RHBDD3: variants seen among roughly 807,000 people sequenced by gnomAD.
The protein encoded by RHBDD3 is rhomboid domain containing 3.
A neutral mutation model predicts 32.3 loss-of-function variants in RHBDD3; 34 were observed. The ratio of observed to expected loss-of-function variants is 1.05; its 90% CI spans 0.80 to 1.40. RHBDD3 has a LOEUF of 1.40. Ranked by LOEUF, RHBDD3 falls within the 40% of genes most tolerant of loss-of-function variation. RHBDD3 has a pLI of 0.00. For missense variants in RHBDD3, 482 were observed against 492.6 expected (o/e 0.98, Z 0.20); for synonymous variants, 249 against 239.1 (o/e 1.04, Z -0.38).
intron 4 of RHBDD3, among the ~76,000 whole-genome samples, chr22:29,262,630 A>G (rs1302387029): frequency 6.6e-6 from 1 of 152,256 alleles, no homozygotes; most frequent in African/African-American, 2.4e-5. Flanking sequence ...CTATAAATCA[A>G]CTGAGTAGCA....
chr22:29,261,528 A>T (rs1423072230), intron 4 of RHBDD3: 2 of 352,624 alleles, frequency 5.7e-6, no homozygotes, highest in African/African-American at 4.3e-5. Context: ...CAGGAGTTTG[A>T]GGCTGTAGTG....
chr22:29,260,943 C>T (rs773282044), intron 4 of RHBDD3, 79 bp from the exon 5 acceptor site: 8 of 1,374,814 alleles, frequency 5.8e-6, no homozygotes, highest in Non-Finnish European at 7.7e-6. Flanking sequence ...GGCCAGGCCC[C>T]ATGCCAAGTG....
In RHBDD3 at chr22:29,263,842, G is replaced by A; in HGVS notation, c.525C>T (p.Gly175=). 3 of 1,532,262 alleles carry A rather than the reference G, an allele frequency of 2.0e-6. No individual in the cohort carries two copies. Among genetic ancestry groups the A allele is most frequent in the Non-Finnish European group, 2.6e-6 (3 of 1,134,564 alleles). The allele number at this position is 1,532,262 out of a possible 1,614,324, so 94.9% of individuals were successfully genotyped here. Residue 175 remains glycine (G), a synonymous_variant, in exon 4 of 7, where the codon GGC becomes GGT. Transcript: ENST00000216085. ...GGCTCAGGCAAAGGATACAGGCCAGGCCGGCAAGGAGGCCGCAAAGGAGCT... is the reference window on the plus strand; with the variant it reads ...GGCTCAGGCAAAGGATACAGGCCAGACCGGCAAGGAGGCCGCAAAGGAGCT... ...FLQLLCGLLA[G]LAYAAGAFRW... is the part of the protein sequence containing the mutation.
rs367763058 is a variant in RHBDD3, at chr22:29,264,159, G to A, written c.208C>T (p.Leu70=). The A allele has an allele frequency of 4.5e-5, 72 of 1,586,528 alleles. No individual in the cohort carries two copies. The East Asian group carries it at 6.6e-4, about 14-fold the overall frequency. The change falls in exon 4 of 7, where the codon CTG becomes TTG. Residue 70 remains leucine, a synonymous_variant. Coordinates refer to ENST00000216085, the MANE Select transcript of RHBDD3 (RefSeq NM_012265.3). ...CAGCCCACAGTGGGCAGGAGCAGCA[G>A]GCTCAGGAGCAGGCCTGGCAGGGCC... ...HTALPGLLLS[L]LLLPTVGWQQ...
intron 2 of RHBDD3, among the ~76,000 whole-genome samples, chr22:29,266,797 C>G (rs2058201095): frequency 6.6e-6 from 1 of 152,246 alleles, no homozygotes. Flanking sequence ...GCTCCCCTGC[C>G]AAGCGCCTTC....
At chr22:29,266,262 C>T (rs1297119437) in intron 2 of RHBDD3, among the ~76,000 whole-genome samples, 3 of 152,230 alleles carry the variant, frequency 2.0e-5, no homozygotes. Flanking sequence ...CTGGCCCTGG[C>T]TCCCCTTTCC....
chr22:29,265,765 T>G (rs1339647568), intron 2 of RHBDD3, 97 bp from the exon 3 acceptor site: 1 of 1,260,422 alleles, frequency 7.9e-7, no homozygotes, highest in Non-Finnish European at 1.0e-6. Flanking sequence ...TTTACAGAGG[T>G]GGAAACAGGC....
intron 2 of RHBDD3, among the ~76,000 whole-genome samples, 167 bp from the exon 3 acceptor site, chr22:29,265,835 A>G (rs2058170507): frequency 1.3e-5 from 2 of 152,194 alleles, no homozygotes; most frequent in African/African-American, 2.4e-5. Flanking sequence ...CCATGCGCTC[A>G]TAAGCCATCT....
In RHBDD3 at chr22:29,264,177, G is replaced by A. The variant is rs769582765; in HGVS notation, c.190C>T (p.Pro64Ser). 47 of 1,575,732 alleles carry A rather than the reference G, an allele frequency of 3.0e-5. No homozygotes were observed. The South Asian group carries it at 4.2e-4, about 14-fold the overall frequency. Residue 64 changes from proline to serine, a missense_variant, in exon 4 of 7, where the codon CCA becomes TCA. By Grantham distance (74) the Pro-to-Ser change is moderately conservative. Transcript: ENST00000216085. ...AGCAGCAGGCTCAGGAGCAGGCCTG[G>A]CAGGGCCGTGTGGCCCAGGGCATGG... ...LTHALGHTAL[P>S]GLLLSLLLLP...
rs140704715 is a variant in RHBDD3, at chr22:29,263,949, G to T, written c.418C>A (p.Arg140Ser). The T allele has an allele frequency of 6.5e-7, 1 of 1,550,364 alleles. No individual in the cohort carries two copies. The highest frequency in any genetic ancestry group is 1.2e-5 in the South Asian group (1 of 84,062). ...GACAGCCACGGTGGCAGTGCCCCAC[G>T]GGGCCGTCTAGGGCGGTGTCCCTCC... is the stretch of plus-strand genomic sequence containing the variant. ...AGEGHRPRRP[R>S]GALPPWLSPW... The change falls in exon 4 of 7, where the codon CGT becomes AGT. Residue 140 changes from arginine (R) to serine (S), a missense_variant. By Grantham distance (110) the Arg-to-Ser change is moderately radical. Coordinates refer to ENST00000216085, the MANE Select transcript of RHBDD3 (RefSeq NM_012265.3).
At chr22:29,265,719 C>A in intron 2 of RHBDD3, 51 bp from the exon 3 acceptor site, 1 of 1,450,522 alleles carries the variant, frequency 6.9e-7, no homozygotes, top group Non-Finnish European at 9.1e-7. Flanking sequence ...TTTTATCTCA[C>A]CAATACCCTC....
At chr22:29,262,322 A>G (rs1179527780) in intron 4 of RHBDD3, among the ~76,000 whole-genome samples, 5 of 151,350 alleles carry the variant, frequency 3.3e-5, no homozygotes, top group Non-Finnish European at 7.4e-5. Context: ...TATTTTTAGT[A>G]GAGATGGGGT....
chr22:29,260,591 A>C lies in RHBDD3; in HGVS notation c.718T>G (p.Tyr240Asp), dbSNP rs1350556470. Reference protein sequence around the residue: ...GVRPPIPGPPYVASPDLWSHW... With the variant: ...GVRPPIPGPPDVASPDLWSHW... Reference sequence around the variant, plus strand: ...GACCAGAGGTCAGGGGAGGCCACATAAGGCGGTCCAGGGATGGGAGGCCTG... The same window carrying C: ...GACCAGAGGTCAGGGGAGGCCACATCAGGCGGTCCAGGGATGGGAGGCCTG... Residue 240 changes from tyrosine (Y) to aspartate (D), a missense_variant, in exon 6 of 7, where the codon TAT becomes GAT. Tyr to Asp is a radical substitution (Grantham distance 160). Coordinates refer to ENST00000216085, the MANE Select transcript of RHBDD3 (RefSeq NM_012265.3). The C allele has an allele frequency of 1.9e-6, 3 of 1,597,324 alleles. No homozygotes were observed. In the African/African-American group the frequency reaches 4.0e-5, roughly 21 times the overall value.
At position 29,260,808 on chromosome 22, in the gene RHBDD3, G is replaced by A. The variant is rs2058107036; in HGVS notation, c.589C>T (p.Gln197Ter). The A allele has an allele frequency of 1.2e-6, 2 of 1,606,740 alleles. No homozygotes were observed. The highest frequency in any genetic ancestry group is 3.4e-5 in the Admixed American group (2 of 59,260). Reference protein sequence around the residue: ...EPSERRLQVLQEGVLCRTLAG... With the variant: ...EPSERRLQVL ...AAGGTCCTGCACAAGACGCCCTCCT[G>A]CAGCACCTGCAGCCGTCGCTCTGAG... The change falls in exon 5 of 7, where the codon CAG (glutamine) becomes TAG (stop). Residue 197 changes from glutamine to a stop codon, truncating the protein, a stop_gained. Transcript: ENST00000216085. LOFTEE classifies it high-confidence loss of function.
At position 29,265,591 on chromosome 22, in the gene RHBDD3, T is replaced by C. The variant is rs749851852; in HGVS notation, c.36A>G (p.Pro12=). The C allele has an allele frequency of 1.5e-5, 24 of 1,591,700 alleles. 1 individual carries two copies. The South Asian group carries it at 2.6e-4, about 17-fold the overall frequency. The change falls in exon 3 of 7, where the codon CCA becomes CCG. Residue 12 remains proline, a synonymous_variant. Coordinates refer to ENST00000216085, the MANE Select transcript of RHBDD3 (RefSeq NM_012265.3). ...HARGPHGQLS[P]ALPLASSVLM... ...GGACTGAGGAGGCCAGAGGCAGTGC[T>C]GGGGACAGTTGGCCATGGGGGCCCC...
chr22:29,260,186 T>G lies in RHBDD3; in HGVS notation c.1035A>C (p.Ala345=). ...MGFPTEQAVV[A]LAATGRVEGA... is the part of the protein sequence containing the mutation. ...CCTCCACACGGCCTGTGGCTGCCAG[T>G]GCCACCACCGCCTGCTCCGTAGGGA... The change falls in exon 7 of 7, where the codon GCA becomes GCC. Residue 345 remains alanine (A), a synonymous_variant. Transcript: ENST00000216085. 1.9e-6 allele frequency: 3 copies of G among 1,592,152 alleles called. No individual in the cohort carries two copies. The highest frequency in any genetic ancestry group is 2.6e-6 in the Non-Finnish European group (3 of 1,169,646).
At position 29,264,180 on chromosome 22, in the gene RHBDD3, G is replaced by C; in HGVS notation, c.187C>G (p.Leu63Val). The C allele has an allele frequency of 6.4e-7, 1 of 1,573,268 alleles. No individual in the cohort carries two copies. Among genetic ancestry groups the C allele is most frequent in the South Asian group, 1.2e-5 (1 of 84,520 alleles). ...AGCAGGCTCAGGAGCAGGCCTGGCA[G>C]GGCCGTGTGGCCCAGGGCATGGGTC... is the stretch of plus-strand genomic sequence containing the variant. ...LLTHALGHTA[L>V]PGLLLSLLLL... Residue 63 changes from leucine to valine, a missense_variant, in exon 4 of 7, where the codon CTG (leucine) becomes GTG (valine). Physicochemically the swap from Leu to Val is conservative, Grantham distance 32. Coordinates refer to ENST00000216085, the MANE Select transcript of RHBDD3 (RefSeq NM_012265.3).
intron 4 of RHBDD3, among the ~76,000 whole-genome samples, chr22:29,263,311 G>A (rs1569020085): frequency 6.6e-6 from 1 of 152,126 alleles, no homozygotes; most frequent in East Asian, 1.9e-4. Context: ...CCAAAGTGTT[G>A]GGATTACAGG....
chr22:29,266,219 G>A (rs1200706184), intron 2 of RHBDD3, among the ~76,000 whole-genome samples: 1 of 152,164 alleles, frequency 6.6e-6, no homozygotes, highest in Non-Finnish European at 1.5e-5. Flanking sequence ...TCCACTGTAA[G>A]CCTCCTCCTG....
Sources: allele counts gnomAD v4.1 joint callset (sites outside exome capture counted in the v4.1 genomes callset), GRCh38; gene constraint gnomAD v4.1.1; transcripts MANE v1.5; gene names NCBI Gene and HGNC (gene_info 2026-07-23, HGNC 2026-07-21).